The following ADAMTS12 variants were observed in gnomAD, a reference collection of about 807,000 sequenced individuals.
The protein encoded by ADAMTS12 is ADAM metallopeptidase with thrombospondin type 1 motif 12, also known as A disintegrin and metalloproteinase with thrombospondin motifs 12.
A neutral mutation model predicts 167.8 loss-of-function variants in ADAMTS12; 118 were observed. The ratio of observed to expected loss-of-function variants is 0.70; its 90% CI spans 0.61 to 0.82. The LOEUF (loss-of-function observed/expected upper bound fraction) is 0.82. Ranked by LOEUF, ADAMTS12 falls within the 40% of genes least tolerant of loss-of-function variation. The pLI is 0.00. For synonymous variants in ADAMTS12, 704 were observed against 716.9 expected (o/e 0.98, Z 0.29); for missense variants, 1,916 against 1,998.8 (o/e 0.96, Z 0.79).
rs902026281 is a variant in ADAMTS12 at position 33,602,099 on chromosome 5, G to A, written c.2528-6039C>T. Among the ~76,000 whole-genome samples the A allele has an allele frequency of 6.6e-5, 10 of 152,168 alleles. No homozygotes were observed. In the South Asian group the frequency reaches 1.0e-3, roughly 16 times the overall value. ...AAAAGCAGCCAGTCAGCATTCCACAGAGCACACCGAGCAAGGCAAAGCTCC... is the reference window on the plus strand; with the variant it reads ...AAAAGCAGCCAGTCAGCATTCCACAAAGCACACCGAGCAAGGCAAAGCTCC... On this transcript the variant is annotated intron_variant, in intron 16 of 23. Coordinates refer to ENST00000504830, the MANE Select transcript of ADAMTS12 (RefSeq NM_030955.4).
chr5:33,584,455 T>C (rs1846979), intron 18 of ADAMTS12, among the ~76,000 whole-genome samples: 63,545 of 151,816 alleles, frequency 0.42, 13,438 homozygotes, highest in East Asian at 0.63. Flanking sequence ...ATAAAATGAA[T>C]GAGCTCCCTG....
At chr5:33,837,202 G>A (rs1313163006) in intron 2 of ADAMTS12, among the ~76,000 whole-genome samples, 3 of 152,230 alleles carry the variant, frequency 2.0e-5, no homozygotes, top group South Asian at 2.1e-4. Context: ...GGCTGGGCCC[G>A]AGTAGGGGAG....
chr5:33,717,697 T>A (rs937768263), intron 3 of ADAMTS12, among the ~76,000 whole-genome samples: 2 of 152,184 alleles, frequency 1.3e-5, no homozygotes, highest in African/African-American at 4.8e-5. Flanking sequence ...TATTTCTACA[T>A]GCCTTCCTCA....
intron 3 of ADAMTS12, among the ~76,000 whole-genome samples, chr5:33,748,195 A>C (rs1744857545): frequency 6.6e-6 from 1 of 152,134 alleles, no homozygotes; most frequent in Admixed American, 6.5e-5. Flanking sequence ...CTTCCACCTA[A>C]CACCACTCAA....
At chr5:33,870,619 G>C (rs988739345) in intron 2 of ADAMTS12, among the ~76,000 whole-genome samples, 3 of 152,100 alleles carry the variant, frequency 2.0e-5, no homozygotes, top group African/African-American at 7.2e-5. Flanking sequence ...ATTTAGGAGG[G>C]GCCAGAGCTA....
chr5:33,771,850 T>C (rs1408907595), intron 2 of ADAMTS12, among the ~76,000 whole-genome samples: 5 of 151,474 alleles, frequency 3.3e-5, no homozygotes, highest in Non-Finnish European at 5.9e-5. Flanking sequence ...TTTTTTTTTT[T>C]GACAAGGTCT....
chr5:33,700,284 A>T (rs970345446), intron 3 of ADAMTS12, among the ~76,000 whole-genome samples: 5 of 152,174 alleles, frequency 3.3e-5, no homozygotes, highest in African/African-American at 1.2e-4. Context: ...CCTAGAAACA[A>T]CCCAAATGTG....
intron 2 of ADAMTS12, among the ~76,000 whole-genome samples, chr5:33,834,448 G>A (rs1748430602): frequency 6.6e-6 from 1 of 152,102 alleles, no homozygotes; most frequent in South Asian, 2.1e-4. Context: ...CACGTTTTTA[G>A]CATTCTTGAG....
chr5:33,653,432 T>A (rs1439795090), intron 7 of ADAMTS12, among the ~76,000 whole-genome samples: 4 of 152,104 alleles, frequency 2.6e-5, no homozygotes, highest in Non-Finnish European at 5.9e-5. Flanking sequence ...ATTTTGTTAA[T>A]TTTTTTACAT....
At chr5:33,762,055 C>T (rs529351582) in intron 2 of ADAMTS12, among the ~76,000 whole-genome samples, 83 of 151,802 alleles carry the variant, frequency 5.5e-4, no homozygotes, top group African/African-American at 1.9e-3. Flanking sequence ...AGTCAGGTGT[C>T]GTGGCATGCG....
chr5:33,784,679 G>T (rs547078884), intron 2 of ADAMTS12, among the ~76,000 whole-genome samples: 2 of 151,756 alleles, frequency 1.3e-5, no homozygotes, highest in Non-Finnish European at 2.9e-5. Flanking sequence ...AAACATTACC[G>T]AGATCAACTA....
At chr5:33,884,385 G>A (rs919732272) in intron 1 of ADAMTS12, among the ~76,000 whole-genome samples, 1 of 152,078 alleles carries the variant, frequency 6.6e-6, no homozygotes, top group Non-Finnish European at 1.5e-5. Context: ...CCCATCCCAC[G>A]TCATGAAAAT....
At chr5:33,566,061 T>C (rs990038346) in intron 19 of ADAMTS12, among the ~76,000 whole-genome samples, 3 of 152,256 alleles carry the variant, frequency 2.0e-5, no homozygotes, top group Admixed American at 2.0e-4. Flanking sequence ...AACCATTTTG[T>C]TTTTAGAGAC....
chr5:33,697,797 G>C (rs1183737301), intron 3 of ADAMTS12, among the ~76,000 whole-genome samples: 1 of 151,994 alleles, frequency 6.6e-6, no homozygotes, highest in Non-Finnish European at 1.5e-5. Flanking sequence ...TATACGAACT[G>C]ACCCCGGCCA....
Position 33,524,217 on chromosome 5 carries a change from C to T in ADAMTS12, c.*2971G>A, listed in dbSNP as rs1743704829. The T allele has an allele frequency of 1.3e-5, 2 of 152,160 alleles. No individual in the cohort carries two copies. The highest frequency in any genetic ancestry group is 1.3e-4 in the Admixed American group (2 of 15,280). The allele number at this position is 152,160 out of a possible 1,614,324, so 9.4% of individuals were successfully genotyped here. A position where few individuals can be genotyped will look rare whatever the true frequency, so the allele number is the denominator to read the frequency against. On this transcript the variant is annotated 3_prime_UTR_variant, in exon 24 of 24. Coordinates refer to ENST00000504830, the MANE Select transcript of ADAMTS12 (RefSeq NM_030955.4). ...AAACAAAGCATTCCTACAAAGGAGG[C>T]ACTGAAACGATTTCCTGATTGAAGA...
intron 5 of ADAMTS12, among the ~76,000 whole-genome samples, chr5:33,664,094 C>T (rs1741380610): frequency 6.6e-6 from 1 of 152,152 alleles, no homozygotes; most frequent in Admixed American, 6.5e-5. Context: ...GCTATGAATG[C>T]ATAGCTTTAC....
chr5:33,623,610 A>G (rs1739435849), intron 14 of ADAMTS12, among the ~76,000 whole-genome samples: 1 of 152,228 alleles, frequency 6.6e-6, no homozygotes, highest in South Asian at 2.1e-4. Context: ...AGAATAGTAA[A>G]GCGTGGGTAA....
At chr5:33,754,734 T>C (rs914576277) in intron 2 of ADAMTS12, among the ~76,000 whole-genome samples, 1 of 152,070 alleles carries the variant, frequency 6.6e-6, no homozygotes, top group Non-Finnish European at 1.5e-5. Flanking sequence ...CACGTGCCTG[T>C]AATCCCAGCT....
intron 2 of ADAMTS12, among the ~76,000 whole-genome samples, chr5:33,816,866 C>A (rs551584853): frequency 6.6e-6 from 1 of 152,136 alleles, no homozygotes; most frequent in African/African-American, 2.4e-5. Context: ...GCCTCAGATA[C>A]CTACAACTCT....
Sources: gnomAD v4.1 joint callset for allele counts (sites outside exome capture counted in the v4.1 genomes callset) on GRCh38, gnomAD v4.1.1 for gene constraint, MANE v1.5 for transcripts, NCBI Gene and HGNC (gene_info 2026-07-23, HGNC 2026-07-21) for gene names.